The following LPP variants were observed in gnomAD, a reference collection of about 807,000 sequenced individuals.
The protein encoded by LPP is LIM domain containing preferred translocation partner in lipoma.
Under a neutral mutation model 60.4 loss-of-function variants are expected in LPP, and 38 were observed. The ratio of observed to expected loss-of-function variants is 0.63; its 90% CI spans 0.49 to 0.83. The LOEUF (loss-of-function observed/expected upper bound fraction) is 0.83, where lower values mean the gene tolerates loss of function less well. Ranked by LOEUF, LPP falls within the 40% of genes least tolerant of loss-of-function variation. The probability of loss-of-function intolerance (pLI) is 0.00; values close to 1 mark genes in which losing one functional copy is unlikely to be tolerated. For missense variants in LPP, 902 were observed against 783.6 expected, an observed-to-expected ratio of 1.15 and a Z score of -1.80; for synonymous variants, 328 against 290.8, an observed-to-expected ratio of 1.13 and a Z score of -1.30.
chr3:188,794,792 G>A (rs1744841355), intron 9 of LPP, among the ~76,000 whole-genome samples: 1 of 151,998 alleles, frequency 6.6e-6, no homozygotes, highest in South Asian at 2.1e-4. Flanking sequence ...GCTCAGCCCC[G>A]GGAACCTACA....
chr3:188,755,854 A>C (rs1450148349), intron 8 of LPP, among the ~76,000 whole-genome samples: 6 of 107,260 alleles, frequency 5.6e-5, no homozygotes, highest in African/African-American at 1.0e-4. Flanking sequence ...AAAAAAAAAA[A>C]AAAAAAAAAA....
chr3:188,188,487 A>G (rs1006918391), intron 1 of LPP, among the ~76,000 whole-genome samples: 1 of 152,002 alleles, frequency 6.6e-6, no homozygotes, highest in Non-Finnish European at 1.5e-5. Flanking sequence ...TTGTATAACA[A>G]TTATTTGGCG....
chr3:188,840,998 C>G (rs758066437), intron 9 of LPP, among the ~76,000 whole-genome samples: 1 of 152,078 alleles, frequency 6.6e-6, no homozygotes, highest in Non-Finnish European at 1.5e-5. Flanking sequence ...TTCTTCCTCC[C>G]GGGTCCCAGT....
At chr3:188,465,449 C>T (rs1560440255) in intron 4 of LPP, among the ~76,000 whole-genome samples, 1 of 152,124 alleles carries the variant, frequency 6.6e-6, no homozygotes, top group Non-Finnish European at 1.5e-5. Context: ...GGGCTTAATC[C>T]TCTGGTGTGA....
At chr3:188,689,848 A>G (rs1284638841) in intron 7 of LPP, among the ~76,000 whole-genome samples, 1 of 152,106 alleles carries the variant, frequency 6.6e-6, no homozygotes, top group Non-Finnish European at 1.5e-5. Flanking sequence ...TGTATCAGAA[A>G]CTAGTGAGAT....
chr3:188,392,045 G>C (rs7613192), intron 3 of LPP, among the ~76,000 whole-genome samples: 53,580 of 151,988 alleles, frequency 0.35, 10,853 homozygotes, highest in Middle Eastern at 0.62. Flanking sequence ...TTTGAGTGTC[G>C]ATCTACCATA....
intron 1 of LPP, among the ~76,000 whole-genome samples, chr3:188,163,671 G>T (rs987247350): frequency 1.8e-4 from 28 of 152,008 alleles, no homozygotes; most frequent in Admixed American, 1.2e-3. Flanking sequence ...GCCAGGCATG[G>T]TGGCTCACGC....
intron 8 of LPP, among the ~76,000 whole-genome samples, chr3:188,757,032 C>G (rs1014758797): frequency 6.6e-6 from 1 of 152,214 alleles, no homozygotes; most frequent in Non-Finnish European, 1.5e-5. Flanking sequence ...GTCTTTTCCT[C>G]TTCCACCTTT....
intron 6 of LPP, among the ~76,000 whole-genome samples, chr3:188,595,400 T>C (rs9848384): frequency 0.14 from 21,971 of 152,158 alleles, 1,716 homozygotes; most frequent in Middle Eastern, 0.24. Context: ...TGAACCCCCA[T>C]CAGTCATTCG....
At chr3:188,329,737 A>C (rs1195474826) in intron 2 of LPP, among the ~76,000 whole-genome samples, 1 of 152,176 alleles carries the variant, frequency 6.6e-6, no homozygotes, top group Non-Finnish European at 1.5e-5. Context: ...GCCTTTTTAA[A>C]CAAAACATGT....
chr3:188,401,768 A>G (rs1470149837), intron 3 of LPP, among the ~76,000 whole-genome samples: 2 of 152,330 alleles, frequency 1.3e-5, no homozygotes, highest in East Asian at 3.9e-4. Context: ...GGGAACAGGA[A>G]AGCAGATGGG....
chr3:188,708,383 C>A lies in LPP; in HGVS notation c.1230C>A (p.Asp410Glu). The change falls in exon 8 of 12, where the codon GAC becomes GAA. Residue 410 changes from aspartate to glutamate, a missense_variant. Transcript: ENST00000617246. ...MLYDMENPPA[D>E]EYFGRCARCG... ...ATGACATGGAAAATCCACCTGCTGA[C>A]GAATACTTTGGTGAGTGGGGCCTAG... The A allele has an allele frequency of 6.2e-7, 1 of 1,614,158 alleles. No individual in the cohort carries two copies. The highest frequency in any genetic ancestry group is 8.5e-7 in the Non-Finnish European group (1 of 1,180,014).
chr3:188,613,312 A>ATATCTATATC, intron 7 of LPP, among the ~76,000 whole-genome samples: 1 of 151,152 alleles, frequency 6.6e-6, no homozygotes, highest in Admixed American at 6.6e-5. Context: ...ATCTATATCT[A>ATATCTATATC]TATATATCGC....
At chr3:188,641,951 C>G (rs536446326) in intron 7 of LPP, among the ~76,000 whole-genome samples, 1 of 152,162 alleles carries the variant, frequency 6.6e-6, no homozygotes, top group African/African-American at 2.4e-5. Context: ...CCGGATGGAA[C>G]GGACCTGATC....
chr3:188,588,081 C>T (rs1022457453), intron 6 of LPP, among the ~76,000 whole-genome samples: 5 of 152,214 alleles, frequency 3.3e-5, no homozygotes, highest in African/African-American at 1.2e-4. Flanking sequence ...CACATGCAGA[C>T]AAACTCTGAT....
chr3:188,531,515 C>G (rs1464675034), intron 6 of LPP, among the ~76,000 whole-genome samples: 1 of 152,046 alleles, frequency 6.6e-6, no homozygotes, highest in African/African-American at 2.4e-5. Flanking sequence ...ATCTTCACCT[C>G]TCATCCTCTG....
At chr3:188,429,704 G>A (rs999213809) in intron 4 of LPP, among the ~76,000 whole-genome samples, 17 of 151,992 alleles carry the variant, frequency 1.1e-4, no homozygotes, top group Admixed American at 4.6e-4. Flanking sequence ...ATTCTGACTC[G>A]TCTTCTTTTC....
chr3:188,834,332 T>G (rs2151633802), intron 9 of LPP, among the ~76,000 whole-genome samples: 1 of 145,676 alleles, frequency 6.9e-6, no homozygotes, highest in Middle Eastern at 3.5e-3. Context: ...GTGTTTTTTT[T>G]TTTTTTTTTT....
chr3:188,198,576 A>C (rs1248038523), intron 1 of LPP, among the ~76,000 whole-genome samples: 1 of 152,224 alleles, frequency 6.6e-6, no homozygotes, highest in Non-Finnish European at 1.5e-5. Flanking sequence ...TTCAATAGTC[A>C]GGCATTGGCA....
Sources: gnomAD v4.1 joint callset for allele counts (sites outside exome capture counted in the v4.1 genomes callset) on GRCh38, gnomAD v4.1.1 for gene constraint, MANE v1.5 for transcripts, NCBI Gene and HGNC (gene_info 2026-07-23, HGNC 2026-07-21) for gene names.